The following TMEM260 variants were observed in gnomAD, a reference collection of about 807,000 sequenced individuals.
TMEM260 encodes the protein protein O-mannosyl-transferase TMEM260.
TMEM260 carries 82 observed loss-of-function variants against 88.9 expected under a neutral mutation model. The observed-to-expected ratio is 0.92, with a 90% CI of 0.77 to 1.11. The LOEUF (loss-of-function observed/expected upper bound fraction) is 1.11, where lower values mean the gene tolerates loss of function less well. Among genes scored for constraint, TMEM260 ranks in the 50% least tolerant of loss-of-function variants. TMEM260 has a pLI of 0.00. For synonymous variants in TMEM260, 314 were observed against 309.3 expected, an observed-to-expected ratio of 1.02 and a Z score of -0.16; for missense variants, 902 against 853.4, an observed-to-expected ratio of 1.06 and a Z score of -0.71.
At chr14:56,603,254 G>GAA (rs60396734) in intron 3 of TMEM260, among the ~76,000 whole-genome samples, 14 of 151,728 alleles carry the variant, frequency 9.2e-5, no homozygotes, top group East Asian at 3.9e-4. Flanking sequence ...GTTGTCTAAA[G>GAA]AAAAAAAACC....
chr14:56,605,248 T>C (rs1886823175), intron 4 of TMEM260, among the ~76,000 whole-genome samples: 1 of 152,220 alleles, frequency 6.6e-6, no homozygotes, highest in South Asian at 2.1e-4. Context: ...GAATTTCAAT[T>C]ATAGATTTTA....
rs772984154 is a variant in TMEM260, at chr14:56,632,987, T to G, written c.1548-8T>G. 4 of 1,610,222 alleles carry G rather than the reference T, an allele frequency of 2.5e-6. No individual in the cohort carries two copies. Among genetic ancestry groups the G allele is most frequent in the Non-Finnish European group, 3.4e-6 (4 of 1,177,106 alleles). On this transcript the variant is annotated splice_region_variant and splice_polypyrimidine_tract_variant and intron_variant, in intron 12 of 15. Coordinates refer to ENST00000261556, the MANE Select transcript of TMEM260 (RefSeq NM_017799.4). ...TAAGTACATCATGTATTTTTCTGTT[T>G]CCAACAGAAAAGAAACATTTGTTTG...
intron 7 of TMEM260, among the ~76,000 whole-genome samples, chr14:56,614,231 A>G (rs1191958491): frequency 6.7e-6 from 1 of 149,694 alleles, no homozygotes; most frequent in African/African-American, 2.5e-5. Flanking sequence ...AAAAAAAAAA[A>G]AAAAAAGGCA....
rs919575156 is a variant in TMEM260, at chr14:56,648,482, C to G, written c.*985C>G. 5.9e-5 allele frequency: 9 copies of G among 152,656 alleles called. No individual in the cohort carries two copies. The South Asian group carries it at 1.7e-3, about 28-fold the overall frequency. The allele number at this position is 152,656 out of a possible 1,614,324, so 9.5% of individuals were successfully genotyped here. A position where few individuals can be genotyped will look rare whatever the true frequency, so the allele number is the denominator to read the frequency against. On this transcript the variant is annotated 3_prime_UTR_variant, in exon 16 of 16. Transcript: ENST00000261556. ...AGAATCTGTAGGGCTTCTTTTCCCC[C>G]CAATTGTATAGCTCCTAGACTCCAA...
At chr14:56,590,362 G>A (rs1885776169) in intron 3 of TMEM260, among the ~76,000 whole-genome samples, 1 of 152,156 alleles carries the variant, frequency 6.6e-6, no homozygotes, top group African/African-American at 2.4e-5. Flanking sequence ...GCACTGCCTG[G>A]CCTAATCCCT....
At chr14:56,614,368 C>T (rs994928159) in intron 7 of TMEM260, among the ~76,000 whole-genome samples, 2 of 151,908 alleles carry the variant, frequency 1.3e-5, no homozygotes, top group African/African-American at 4.8e-5. Context: ...GAGTGAGACT[C>T]TGTCTCAAAA....
intron 14 of TMEM260, among the ~76,000 whole-genome samples, chr14:56,635,534 C>T (rs868074471): frequency 6.6e-6 from 1 of 152,170 alleles, no homozygotes; most frequent in Admixed American, 6.6e-5. Flanking sequence ...GAGAGGACAG[C>T]TGTCATCCTG....
chr14:56,585,792 C>T lies in TMEM260; in HGVS notation c.224C>T (p.Thr75Met), dbSNP rs528109756. The part of the protein sequence containing the change: ...VAHPPGYPLF[T>M]LVAKLAITLF... ...CATCCTCCTGGCTATCCTTTGTTCA[C>T]GCTGGTGGCTAAACTGGCAATTACA... is the stretch of plus-strand genomic sequence containing the variant. The change falls in exon 3 of 16, where the codon ACG becomes ATG. Residue 75 changes from threonine to methionine, a missense_variant. Thr to Met is a moderately conservative substitution (Grantham distance 81). Coordinates refer to ENST00000261556, the MANE Select transcript of TMEM260 (RefSeq NM_017799.4). The T allele has an allele frequency of 6.2e-6, 10 of 1,613,470 alleles. No individual in the cohort carries two copies. The highest frequency in any genetic ancestry group is 2.2e-5 in the East Asian group (1 of 44,854).
chr14:56,592,769 C>T (rs993279937), intron 3 of TMEM260, among the ~76,000 whole-genome samples: 2 of 152,146 alleles, frequency 1.3e-5, no homozygotes, highest in Non-Finnish European at 2.9e-5. Context: ...TAAACAATAA[C>T]GTTCAGATGC....
intron 15 of TMEM260, among the ~76,000 whole-genome samples, chr14:56,639,839 C>G (rs535899955): frequency 4.8e-4 from 73 of 152,346 alleles, no homozygotes; most frequent in African/African-American, 1.7e-3. Flanking sequence ...AGATTATATT[C>G]TGCACCTGGC....
rs138991627 is a variant in TMEM260, at chr14:56,631,622, C to CAA, written c.1548-1358_1548-1357dup. On this transcript the variant is annotated intron_variant, in intron 12 of 15. Coordinates refer to ENST00000261556, the MANE Select transcript of TMEM260 (RefSeq NM_017799.4). The stretch of plus-strand genomic sequence containing the variant: ...TGGGCTACAAAGCAAGACTCTGTCT[C>CAA]AAAAAAAAAAAAAAAAGAGACTGTG... Among the ~76,000 whole-genome samples the CAA allele has an allele frequency of 2.8e-3, 332 of 116,712 alleles. 3 individuals carry two copies. The highest frequency in any genetic ancestry group is 0.012 in the South Asian group (39 of 3,350). 76.6% of individuals were successfully genotyped at this position (116,712 alleles called of 152,430 possible). A position where few individuals can be genotyped will look rare whatever the true frequency, so the allele number is the denominator to read the frequency against.
intron 15 of TMEM260, among the ~76,000 whole-genome samples, chr14:56,640,953 CAAG>C (rs1409005088): frequency 1.3e-5 from 2 of 150,680 alleles, no homozygotes; most frequent in Non-Finnish European, 2.9e-5. Context: ...AAAAGAATAA[CAAG>C]AAACAAACAA....
Position 56,647,624 on chromosome 14 carries a change from C to T in TMEM260, c.*127C>T. Reference sequence around the variant, plus strand: ...TAAGTCATCTCCCAGATATAAGTATCATGGTCCAGCAGTACTGTTTAATGG... The same window carrying T: ...TAAGTCATCTCCCAGATATAAGTATTATGGTCCAGCAGTACTGTTTAATGG... On this transcript the variant is annotated 3_prime_UTR_variant, in exon 16 of 16. Transcript: ENST00000261556. 9.3e-7 allele frequency: 1 copy of T among 1,076,214 alleles called. No individual in the cohort carries two copies. The highest frequency in any genetic ancestry group is 1.3e-6 in the Non-Finnish European group (1 of 772,390). The allele number at this position is 1,076,214 out of a possible 1,614,324, so 66.7% of individuals were successfully genotyped here. A position where few individuals can be genotyped will look rare whatever the true frequency, so the allele number is the denominator to read the frequency against.
In TMEM260 at chr14:56,583,869, C is replaced by T. The variant is rs143406040; in HGVS notation, c.161-1132C>T. On this transcript the variant is annotated intron_variant, in intron 1 of 15. Coordinates refer to ENST00000261556, the MANE Select transcript of TMEM260 (RefSeq NM_017799.4). ...GGAACATAGGTTTCATGGATATAAG[C>T]CTAGAAAAGGGACCTTGAAACCATA... 9.2e-4 allele frequency among the ~76,000 whole-genome samples: 140 copies of T among 152,116 alleles called. 2 individuals carry two copies. The highest frequency in any genetic ancestry group is 3.5e-3 in the Admixed American group (54 of 15,286).
chr14:56,583,521 G>C (rs1885274903), intron 1 of TMEM260, among the ~76,000 whole-genome samples: 1 of 152,032 alleles, frequency 6.6e-6, no homozygotes, highest in South Asian at 2.1e-4. Context: ...TGGTATCCTG[G>C]CACGATCGTG....
chr14:56,589,791 A>C lies in TMEM260; in HGVS notation c.344+3879A>C, dbSNP rs930330034. Among the ~76,000 whole-genome samples, 11 of 152,280 alleles carry C rather than the reference A, an allele frequency of 7.2e-5. No homozygotes were observed. In the East Asian group the frequency reaches 2.1e-3, roughly 29 times the overall value. ...TTGCTGCTAAAAATTAATTTGATTAAATTTTAGAAGGCGAAGACTTGATTC... is the reference window on the plus strand; with the variant it reads ...TTGCTGCTAAAAATTAATTTGATTACATTTTAGAAGGCGAAGACTTGATTC... On this transcript the variant is annotated intron_variant, in intron 3 of 15. Coordinates refer to ENST00000261556, the MANE Select transcript of TMEM260 (RefSeq NM_017799.4).
intron 11 of TMEM260, among the ~76,000 whole-genome samples, chr14:56,622,605 T>G (rs1213476991): frequency 6.6e-6 from 1 of 152,048 alleles, no homozygotes; most frequent in Non-Finnish European, 1.5e-5. Flanking sequence ...ATGAAAACTT[T>G]TTTTTTCATT....
chr14:56,582,935 TTTATC>T (rs150380087), intron 1 of TMEM260, among the ~76,000 whole-genome samples: 49,915 of 151,814 alleles, frequency 0.33, 10,027 homozygotes, highest in Admixed American at 0.49. Context: ...ACATTCCAGA[TTTATC>T]TTTATAGCAG....
intron 4 of TMEM260, among the ~76,000 whole-genome samples, chr14:56,604,764 G>C (rs574465359): frequency 6.6e-6 from 1 of 152,204 alleles, no homozygotes; most frequent in Non-Finnish European, 1.5e-5. Context: ...GGGTTTTGTA[G>C]TAGGGGAAAG....
Sources: gnomAD v4.1 joint callset for allele counts (sites outside exome capture counted in the v4.1 genomes callset) on GRCh38, gnomAD v4.1.1 for gene constraint, MANE v1.5 for transcripts, NCBI Gene and HGNC (gene_info 2026-07-23, HGNC 2026-07-21) for gene names.